Variants in SNX1 observed in about 807,000 individuals in gnomAD.
SNX1 encodes the protein sorting nexin-1.
SNX1 carries 36 observed loss-of-function variants against 71.8 expected under a neutral mutation model. The observed-to-expected ratio is 0.50, with a 90% CI of 0.38 to 0.66. The LOEUF is 0.66. SNX1 is among the 30% of genes least tolerant of loss of function. The probability of loss-of-function intolerance (pLI) is 0.00; values close to 1 mark genes in which losing one functional copy is unlikely to be tolerated. For missense variants in SNX1, 612 were observed against 646.7 expected (o/e 0.95, Z 0.58); for synonymous variants, 254 against 240.7 (o/e 1.06, Z -0.51).
intron 7 of SNX1, 138 bp downstream of exon 7, chr15:64,127,390 C>CT: frequency 1.4e-6 from 1 of 690,186 alleles, no homozygotes; most frequent in Non-Finnish European, 2.4e-6. Context: ...CATATTATCT[C>CT]TTAACTTTTC....
chr15:64,118,120 C>T lies in SNX1; in HGVS notation c.275C>T (p.Ala92Val). 1 of 1,611,108 alleles carries T rather than the reference C, an allele frequency of 6.2e-7. No individual in the cohort carries two copies. Among genetic ancestry groups the T allele is most frequent in the Non-Finnish European group, 8.5e-7 (1 of 1,179,140 alleles). ...DQEPQDLFAD[A>V]TVELSLDSTQ... ...TAAAATATCAACTTCATTTTAGATGCCACAGTGGAGCTATCCTTGGACAGC... is the reference window on the plus strand; with the variant it reads ...TAAAATATCAACTTCATTTTAGATGTCACAGTGGAGCTATCCTTGGACAGC... The change falls in exon 3 of 15, where the codon GCC becomes GTC. Residue 92 changes from alanine (A) to valine (V), a missense_variant. By Grantham distance (64) the Ala-to-Val change is moderately conservative. Coordinates refer to ENST00000559844, the MANE Select transcript of SNX1 (RefSeq NM_003099.5).
At chr15:64,136,500 G>A in intron 13 of SNX1, 90 bp downstream of exon 13, 4 of 1,153,592 alleles carry the variant, frequency 3.5e-6, no homozygotes, top group Non-Finnish European at 3.9e-6. Context: ...GGTAAAGAGA[G>A]AGGTGCCAGT....
intron 13 of SNX1, 25 bp from the exon 14 acceptor site, chr15:64,136,836 G>A: frequency 6.3e-7 from 1 of 1,594,058 alleles, no homozygotes; most frequent in Non-Finnish European, 8.6e-7. Flanking sequence ...AAACTGGATG[G>A]TCAGTGTAGA....
At chr15:64,115,206 GT>G (rs2081116443) in intron 2 of SNX1, among the ~76,000 whole-genome samples, 1 of 152,030 alleles carries the variant, frequency 6.6e-6, no homozygotes, top group Non-Finnish European at 1.5e-5. Context: ...GGTCATATTT[GT>G]TCATAGTGAG....
In SNX1 at chr15:64,096,082, G is replaced by T; in HGVS notation, c.69G>T (p.Pro23=). The change falls in exon 1 of 15, where the codon CCG becomes CCT. Residue 23 remains proline, a synonymous_variant. Coordinates refer to ENST00000559844, the MANE Select transcript of SNX1 (RefSeq NM_003099.5). ...RLPPPFPGLE[P]ESEGAAGGSE... The stretch of plus-strand genomic sequence containing the variant: ...CTCCGCCCTTCCCCGGCCTGGAGCC[G>T]GAGTCCGAGGGGGCGGCCGGGGGAT... 1 of 1,574,582 alleles carries T rather than the reference G, an allele frequency of 6.4e-7. No homozygotes were observed. Among genetic ancestry groups the T allele is most frequent in the Non-Finnish European group, 8.6e-7 (1 of 1,163,240 alleles).
intron 2 of SNX1, among the ~76,000 whole-genome samples, chr15:64,113,555 C>G (rs1213493583): frequency 6.6e-6 from 1 of 152,150 alleles, no homozygotes; most frequent in Admixed American, 6.6e-5. Flanking sequence ...CACAGTGGCT[C>G]ACACCCGTAA....
intron 8 of SNX1, 128 bp downstream of exon 8, chr15:64,127,934 A>T: frequency 3.2e-6 from 2 of 631,056 alleles, no homozygotes; most frequent in Non-Finnish European, 5.4e-6. Flanking sequence ...TTTTGTGTGA[A>T]CCCCTGAGAG....
At position 64,126,161 on chromosome 15, in the gene SNX1, C is replaced by T; in HGVS notation, c.593C>T (p.Ser198Phe). The T allele has an allele frequency of 6.2e-7, 1 of 1,614,156 alleles. No homozygotes were observed. The highest frequency in any genetic ancestry group is 8.5e-7 in the Non-Finnish European group (1 of 1,180,002). The change falls in exon 6 of 15, where the codon TCC (serine) becomes TTC (phenylalanine). Residue 198 changes from serine (S) to phenylalanine (F), a missense_variant. By Grantham distance (155) the Ser-to-Phe change is radical. This residue lies in a region of SNX1 where 316 missense variants were observed against 284.9 expected (regional missense o/e 1.11). Transcript: ENST00000559844. ...TTTCTGGGTCTTTATGAGAAGCTTTCCGAGAAGCACTCTCAGAATGGCTTC... is the reference window on the plus strand; with the variant it reads ...TTTCTGGGTCTTTATGAGAAGCTTTTCGAGAAGCACTCTCAGAATGGCTTC... Reference protein sequence around the residue: ...SDFLGLYEKLSEKHSQNGFIV... With the variant: ...SDFLGLYEKLFEKHSQNGFIV...
chr15:64,101,967 C>T (rs1300818020), intron 1 of SNX1, among the ~76,000 whole-genome samples: 1 of 152,060 alleles, frequency 6.6e-6, no homozygotes, highest in African/African-American at 2.4e-5. Context: ...TTGATCATTG[C>T]ACATTGTATG....
chr15:64,111,215 T>C (rs1344489541), intron 1 of SNX1, among the ~76,000 whole-genome samples: 1 of 152,188 alleles, frequency 6.6e-6, no homozygotes, highest in Non-Finnish European at 1.5e-5. Flanking sequence ...AATGCTGCTT[T>C]TGTATTTATC....
chr15:64,142,327 C>CAAA lies in SNX1; in HGVS notation c.*4717_*4719dup. 2 of 210,036 alleles carry CAAA rather than the reference C, an allele frequency of 9.5e-6. No individual in the cohort carries two copies. Among genetic ancestry groups the CAAA allele is most frequent in the East Asian group, 1.4e-4 (1 of 7,272 alleles). 13.0% of individuals were successfully genotyped at this position (210,036 alleles called of 1,614,324 possible). On this transcript the variant is annotated 3_prime_UTR_variant, in exon 15 of 15. Transcript: ENST00000559844. Reference sequence around the variant, plus strand: ...TAGGTGACAGAGCAAGATCTTGTCTCAAAAAAAAAAGCAGCTCTGGATGGG... The same window carrying CAAA: ...TAGGTGACAGAGCAAGATCTTGTCTCAAAAAAAAAAAAAGCAGCTCTGGATGGG...
Position 64,118,166 on chromosome 15 carries a change from G to T in SNX1, c.321G>T (p.Lys107Asn). ...ACAGCACACAAAATAATCAGAAGAA[G>T]GTGCTAGCCAAAACACTCATTTCTC... The part of the protein sequence containing the change: ...SLDSTQNNQK[K>N]VLAKTLISLP... The change falls in exon 3 of 15, where the codon AAG (lysine) becomes AAT (asparagine). Residue 107 changes from lysine to asparagine, a missense_variant. Physicochemically the swap from Lys to Asn is moderately conservative, Grantham distance 94. This residue lies in a region of SNX1 where 316 missense variants were observed against 284.9 expected (regional missense o/e 1.11). Transcript: ENST00000559844. 6.2e-7 allele frequency: 1 copy of T among 1,612,296 alleles called. No homozygotes were observed. The highest frequency in any genetic ancestry group is 8.5e-7 in the Non-Finnish European group (1 of 1,179,564).
chr15:64,096,862 A>G (rs1345697624), intron 1 of SNX1, among the ~76,000 whole-genome samples: 2 of 152,228 alleles, frequency 1.3e-5, no homozygotes, highest in Non-Finnish European at 1.5e-5. Flanking sequence ...TGTTTCCCGT[A>G]ATGTTACCGG....
intron 1 of SNX1, among the ~76,000 whole-genome samples, chr15:64,109,093 A>G (rs896801813): frequency 2.7e-5 from 4 of 149,284 alleles, no homozygotes; most frequent in African/African-American, 9.9e-5. Context: ...GACCTAGGGT[A>G]GGCGCAGTGG....
chr15:64,140,447 C>T lies in SNX1; in HGVS notation c.*2829C>T, dbSNP rs1391847185. The T allele has an allele frequency of 6.6e-6, 1 of 152,194 alleles. No individual in the cohort carries two copies. Among genetic ancestry groups the T allele is most frequent in the Non-Finnish European group, 1.5e-5 (1 of 68,032 alleles). The allele number at this position is 152,194 out of a possible 1,614,324, so 9.4% of individuals were successfully genotyped here. ...GCTCCCATCATGTTTTGAGTACTTTCTTACCTTCTGGCATAACAAGATGTT... is the reference window on the plus strand; with the variant it reads ...GCTCCCATCATGTTTTGAGTACTTTTTTACCTTCTGGCATAACAAGATGTT... On this transcript the variant is annotated 3_prime_UTR_variant, in exon 15 of 15. Coordinates refer to ENST00000559844, the MANE Select transcript of SNX1 (RefSeq NM_003099.5).
At chr15:64,120,266 CTTTTTTTTTTTT>C (rs35526278) in intron 4 of SNX1, among the ~76,000 whole-genome samples, 58 of 67,106 alleles carry the variant, frequency 8.6e-4, no homozygotes, top group Non-Finnish European at 1.5e-3. Flanking sequence ...AAATGGTTGT[CTTTTTTTTTTTT>C]TTTTTTTTTT....
In SNX1 at chr15:64,129,527, G is replaced by T. The variant is rs944940706; in HGVS notation, c.808-389G>T. Among the ~76,000 whole-genome samples the T allele has an allele frequency of 3.9e-5, 6 of 152,172 alleles. No homozygotes were observed. The highest frequency in any genetic ancestry group is 1.4e-4 in the African/African-American group (6 of 41,428). ...ACACAGCACGATTTCAGTGTCTTAA[G>T]ACTTTTAAGTCTGGTTTTGTACAAA... On this transcript the variant is annotated intron_variant, in intron 8 of 14. Transcript: ENST00000559844. This position sits in a 1 kb window ranked among gnomAD's most constrained non-coding sequence, Gnocchi z 4.4.
chr15:64,131,823 G>A lies in SNX1; in HGVS notation c.1152G>A (p.Gln384=), dbSNP rs151337222. The change falls in exon 11 of 15, where the codon CAG becomes CAA. Residue 384 remains glutamine, a synonymous_variant. Transcript: ENST00000559844. The part of the protein sequence containing the change: ...EEKIEQLHQE[Q]ANNDFFLLAE... ...AAATTGAGCAGCTCCACCAGGAACAGGCCAACAATGACTTCTTCCTCCTTG... is the reference window on the plus strand; with the variant it reads ...AAATTGAGCAGCTCCACCAGGAACAAGCCAACAATGACTTCTTCCTCCTTG... 6.3e-5 allele frequency: 101 copies of A among 1,614,220 alleles called. 1 individual carries two copies. In the African/African-American group the frequency reaches 1.2e-3, roughly 20 times the overall value.
chr15:64,104,810 G>A lies in SNX1; in HGVS notation c.160-7763G>A, dbSNP rs142129876. ...TGAGACAGGAGAATCACTTGAACCC[G>A]GGAGGCAGAGGTTGCAGTGAGCTGA... On this transcript the variant is annotated intron_variant, in intron 1 of 14. Coordinates refer to ENST00000559844, the MANE Select transcript of SNX1 (RefSeq NM_003099.5). Among the ~76,000 whole-genome samples, 711 of 151,372 alleles carry A rather than the reference G, an allele frequency of 4.7e-3. 8 individuals carry two copies. The highest frequency in any genetic ancestry group is 0.015 in the African/African-American group (628 of 41,258).
Sources: allele counts gnomAD v4.1 joint callset (sites outside exome capture counted in the v4.1 genomes callset), GRCh38; gene constraint gnomAD v4.1.1; regional missense constraint gnomAD v4.1.1; non-coding constraint Gnocchi (gnomAD v3.1); transcripts MANE v1.5; gene names NCBI Gene and HGNC (gene_info 2026-07-23, HGNC 2026-07-21).